Variants in DDR2 observed in about 807,000 individuals in gnomAD.
DDR2 encodes the protein discoidin domain receptor tyrosine kinase 2.
In DDR2, 27 loss-of-function variants were observed where a neutral mutation model predicts 94.9. The observed-to-expected ratio is 0.28, with a 90% confidence interval of 0.21 to 0.39. The LOEUF is 0.39. Ranked by LOEUF, DDR2 falls within the 10% of genes least tolerant of loss-of-function variation. DDR2 has a pLI of 1.00. For missense variants in DDR2, 783 were observed against 1,076.0 expected, an observed-to-expected ratio of 0.73 and a Z score of 3.81; for synonymous variants, 382 against 377.2, an observed-to-expected ratio of 1.01 and a Z score of -0.15.
chr1:162,706,437 G>C (rs1342687654), intron 2 of DDR2, among the ~76,000 whole-genome samples: 1 of 152,208 alleles, frequency 6.6e-6, no homozygotes, highest in Non-Finnish European at 1.5e-5. Flanking sequence ...AGTCAGATAG[G>C]AGCAAGAGTT....
chr1:162,697,865 A>G (rs1660260233), intron 2 of DDR2, among the ~76,000 whole-genome samples: 1 of 152,218 alleles, frequency 6.6e-6, no homozygotes, highest in Admixed American at 6.5e-5. Context: ...TTAGATTTAA[A>G]GCCAGGCACC....
intron 3 of DDR2, among the ~76,000 whole-genome samples, chr1:162,733,191 A>G (rs1475115151): frequency 1.3e-5 from 2 of 152,204 alleles, no homozygotes; most frequent in African/African-American, 4.8e-5. Flanking sequence ...TAGAACAAAG[A>G]CAGACTGGTG....
intron 2 of DDR2, among the ~76,000 whole-genome samples, chr1:162,706,072 G>A (rs1660648119): frequency 6.6e-6 from 1 of 152,240 alleles, no homozygotes; most frequent in South Asian, 2.1e-4. Context: ...GATCACGCAA[G>A]AGAGGAGACA....
intron 2 of DDR2, among the ~76,000 whole-genome samples, chr1:162,696,776 C>G (rs1324620461): frequency 6.6e-6 from 1 of 152,132 alleles, no homozygotes; most frequent in Non-Finnish European, 1.5e-5. Flanking sequence ...TCAGAGGCAG[C>G]TTGTGCCTCC....
At chr1:162,737,097 T>A (rs1370454119) in intron 3 of DDR2, among the ~76,000 whole-genome samples, 2 of 151,850 alleles carry the variant, frequency 1.3e-5, no homozygotes, top group African/African-American at 4.8e-5. Context: ...TTTCTTTCTT[T>A]CTTTTTTTTC....
intron 1 of DDR2, among the ~76,000 whole-genome samples, chr1:162,644,887 C>T (rs1354107268): frequency 3.3e-5 from 5 of 152,196 alleles, no homozygotes; most frequent in African/African-American, 1.2e-4. Context: ...TGAGTCACCA[C>T]GCCCAGCCAA....
chr1:162,772,400 G>T, intron 13 of DDR2, 153 bp downstream of exon 13: 1 of 829,386 alleles, frequency 1.2e-6, no homozygotes, highest in Non-Finnish European at 2.0e-6. Context: ...TCAGTATTGG[G>T]TCAACCTAAT....
At chr1:162,680,203 G>A (rs1244189674) in intron 2 of DDR2, among the ~76,000 whole-genome samples, 1 of 152,054 alleles carries the variant, frequency 6.6e-6, no homozygotes, top group Non-Finnish European at 1.5e-5. Flanking sequence ...CGAAATCTTT[G>A]CCAAGTCCTA....
intron 9 of DDR2, among the ~76,000 whole-genome samples, chr1:162,764,081 A>G (rs1377112209): frequency 7.9e-5 from 12 of 152,234 alleles, no homozygotes; most frequent in African/African-American, 2.9e-4. Context: ...ACAGTGGGAT[A>G]ATTCTTTTCT....
At chr1:162,649,553 T>G (rs1460114163) in intron 1 of DDR2, among the ~76,000 whole-genome samples, 1 of 152,204 alleles carries the variant, frequency 6.6e-6, no homozygotes, top group Non-Finnish European at 1.5e-5. Context: ...AAAGTCTGTC[T>G]TCATATTCAA....
intron 3 of DDR2, among the ~76,000 whole-genome samples, chr1:162,741,180 A>AATATG (rs1662569412): frequency 7.2e-6 from 1 of 138,014 alleles, no homozygotes; most frequent in Non-Finnish European, 1.5e-5. Flanking sequence ...AATATAATAT[A>AATATG]ATATAACATA....
chr1:162,702,053 A>G (rs2101996891), intron 2 of DDR2, among the ~76,000 whole-genome samples: 1 of 152,310 alleles, frequency 6.6e-6, no homozygotes, highest in East Asian at 1.9e-4. Flanking sequence ...CTTTCTAGTC[A>G]CAAAGCCCAA....
intron 2 of DDR2, among the ~76,000 whole-genome samples, chr1:162,695,172 A>T (rs1211361155): frequency 6.6e-6 from 1 of 152,208 alleles, no homozygotes; most frequent in Non-Finnish European, 1.5e-5. Context: ...CTTCATATAG[A>T]CACAAAAGCT....
At chr1:162,723,969 G>C (rs1298584919) in intron 3 of DDR2, among the ~76,000 whole-genome samples, 1 of 152,144 alleles carries the variant, frequency 6.6e-6, no homozygotes, top group East Asian at 1.9e-4. Context: ...ATTTATTTTA[G>C]GTTCACCACT....
chr1:162,634,641 G>A (rs1656727321), intron 1 of DDR2, among the ~76,000 whole-genome samples: 1 of 152,140 alleles, frequency 6.6e-6, no homozygotes, highest in Non-Finnish European at 1.5e-5. Context: ...CCCTCCCGGG[G>A]GAATATTCCT....
chr1:162,672,336 G>T (rs928158763), intron 2 of DDR2, among the ~76,000 whole-genome samples: 1 of 152,170 alleles, frequency 6.6e-6, no homozygotes, highest in Admixed American at 6.5e-5. Flanking sequence ...TTCCGTCCAG[G>T]TAGATGCTCT....
At chr1:162,634,395 C>A (rs1656712974) in intron 1 of DDR2, among the ~76,000 whole-genome samples, 2 of 152,178 alleles carry the variant, frequency 1.3e-5, no homozygotes, top group Non-Finnish European at 2.9e-5. Flanking sequence ...GTGATTGCTG[C>A]AAGAGGTATT....
rs13376539 is a variant in DDR2 at position 162,742,577 on chromosome 1, T to C, written c.83-10518T>C. Among the ~76,000 whole-genome samples, 1,338 of 152,336 alleles carry C rather than the reference T, an allele frequency of 8.8e-3. 21 individuals are homozygous for C. Among genetic ancestry groups the C allele is most frequent in the African/African-American group, 0.031 (1,284 of 41,582 alleles). Reference sequence around the variant, plus strand: ...TGGCCCAAGCCATTCATGAGAGATCTTCCCCCATGATCCAAACACCCTACC... The same window carrying C: ...TGGCCCAAGCCATTCATGAGAGATCCTCCCCCATGATCCAAACACCCTACC... On this transcript the variant is annotated intron_variant, in intron 3 of 17. Transcript: ENST00000367921.
chr1:162,647,101 C>T (rs1402711791), intron 1 of DDR2, among the ~76,000 whole-genome samples: 1 of 152,114 alleles, frequency 6.6e-6, no homozygotes, highest in Admixed American at 6.6e-5. Flanking sequence ...GTTTAAATAT[C>T]ACTTAATATA....
Sources: allele counts gnomAD v4.1 joint callset (sites outside exome capture counted in the v4.1 genomes callset), GRCh38; gene constraint gnomAD v4.1.1; transcripts MANE v1.5; gene names NCBI Gene and HGNC (gene_info 2026-07-23, HGNC 2026-07-21).